CAPZA2: variants seen among roughly 807,000 people sequenced by gnomAD.
The protein encoded by CAPZA2 is F-actin-capping protein subunit alpha-2.
CAPZA2 carries 13 observed loss-of-function variants against 44.0 expected under a neutral mutation model. The observed-to-expected ratio is 0.30, with a 90% CI of 0.19 to 0.47. The LOEUF is 0.47. CAPZA2 is among the 20% of genes least tolerant of loss of function. CAPZA2 has a pLI of 1.00. For synonymous variants in CAPZA2, 94 were observed against 108.2 expected, an observed-to-expected ratio of 0.87 and a Z score of 0.81; for missense variants, 244 against 338.6, an observed-to-expected ratio of 0.72 and a Z score of 2.19.
At chr7:116,877,634 T>A (rs1422988073) in intron 1 of CAPZA2, among the ~76,000 whole-genome samples, 1 of 152,258 alleles carries the variant, frequency 6.6e-6, no homozygotes, top group Non-Finnish European at 1.5e-5. Context: ...GAATTTAGTT[T>A]GCTTAAGGTC....
At chr7:116,901,356 A>C (rs1258624191) in intron 4 of CAPZA2, among the ~76,000 whole-genome samples, 1 of 152,314 alleles carries the variant, frequency 6.6e-6, no homozygotes, top group East Asian at 1.9e-4. Context: ...TGTCCTTTGC[A>C]AGAACATGGA....
intron 2 of CAPZA2, among the ~76,000 whole-genome samples, chr7:116,890,223 A>G (rs536422635): frequency 4.1e-4 from 62 of 152,282 alleles, no homozygotes; most frequent in African/African-American, 1.4e-3. Context: ...CTCATTTAAA[A>G]TTGACATTGA....
intron 3 of CAPZA2, among the ~76,000 whole-genome samples, chr7:116,894,446 G>T (rs997723266): frequency 6.6e-6 from 1 of 151,876 alleles, no homozygotes; most frequent in Non-Finnish European, 1.5e-5. Context: ...ATAAAAAATG[G>T]CCTTTATGAA....
chr7:116,866,186 C>CTTT (rs545644928), intron 1 of CAPZA2, among the ~76,000 whole-genome samples: 1 of 141,194 alleles, frequency 7.1e-6, no homozygotes, highest in Non-Finnish European at 1.6e-5. Flanking sequence ...GTCCCATAGA[C>CTTT]TTTTTTTTTT....
chr7:116,868,221 T>G (rs773890594), intron 1 of CAPZA2, among the ~76,000 whole-genome samples: 16 of 152,198 alleles, frequency 1.1e-4, no homozygotes, highest in Admixed American at 2.0e-4. Context: ...TTTTGCGTAA[T>G]AGTTATTTGC....
At chr7:116,899,378 T>A (rs1796966539) in intron 4 of CAPZA2, among the ~76,000 whole-genome samples, 1 of 151,926 alleles carries the variant, frequency 6.6e-6, no homozygotes. Context: ...TGTAAAACAC[T>A]ATGAAGAAGA....
intron 4 of CAPZA2, among the ~76,000 whole-genome samples, chr7:116,901,881 A>ATTG (rs375500363): frequency 3.6e-5 from 5 of 140,820 alleles, no homozygotes; most frequent in East Asian, 2.0e-4. Flanking sequence ...TAACGAAGAA[A>ATTG]TGTGTGTGTG....
At chr7:116,899,669 TTTTGC>T (rs1204142895) in intron 4 of CAPZA2, among the ~76,000 whole-genome samples, 2 of 150,726 alleles carry the variant, frequency 1.3e-5, no homozygotes, top group African/African-American at 4.9e-5. Flanking sequence ...GGTTTTTTTT[TTTTGC>T]TTTTTCTTTA....
At chr7:116,876,955 A>C (rs1796630317) in intron 1 of CAPZA2, among the ~76,000 whole-genome samples, 1 of 152,164 alleles carries the variant, frequency 6.6e-6, no homozygotes, top group African/African-American at 2.4e-5. Flanking sequence ...TCAGGACGTG[A>C]TCCATTCATT....
intron 3 of CAPZA2, among the ~76,000 whole-genome samples, chr7:116,896,180 GC>G: frequency 6.7e-6 from 1 of 149,050 alleles, no homozygotes; most frequent in South Asian, 2.1e-4. Flanking sequence ...TTTTTTCTTT[GC>G]CCTTTACCGT....
chr7:116,909,027 A>G (rs771286410), intron 6 of CAPZA2, among the ~76,000 whole-genome samples: 4 of 152,200 alleles, frequency 2.6e-5, no homozygotes, highest in Non-Finnish European at 5.9e-5. Context: ...CATACTTACC[A>G]GTTTAACATC....
intron 1 of CAPZA2, among the ~76,000 whole-genome samples, chr7:116,867,742 C>G (rs1446355682): frequency 6.6e-6 from 1 of 152,022 alleles, no homozygotes; most frequent in Non-Finnish European, 1.5e-5. Context: ...CACCTGCGTC[C>G]CTAGCTAATT....
At chr7:116,891,116 C>T (rs1266565523) in intron 2 of CAPZA2, among the ~76,000 whole-genome samples, 2 of 152,144 alleles carry the variant, frequency 1.3e-5, no homozygotes, top group Non-Finnish European at 2.9e-5. Flanking sequence ...TATGTGTTGC[C>T]TGACTTGGAG....
intron 4 of CAPZA2, among the ~76,000 whole-genome samples, chr7:116,903,211 AAAG>A (rs1797017810): frequency 6.6e-6 from 1 of 151,102 alleles, no homozygotes. Context: ...GTTTATATTG[AAAG>A]AAGCCAGATG....
At chr7:116,890,208 T>A (rs1168870953) in intron 2 of CAPZA2, among the ~76,000 whole-genome samples, 3 of 152,188 alleles carry the variant, frequency 2.0e-5, no homozygotes, top group Non-Finnish European at 4.4e-5. Flanking sequence ...ATTGCTTTCC[T>A]AAGTCTCATT....
intron 1 of CAPZA2, 21 bp from the exon 2 acceptor site, chr7:116,888,106 A>T: frequency 4.4e-6 from 7 of 1,575,720 alleles, no homozygotes; most frequent in Non-Finnish European, 6.1e-6. Flanking sequence ...TGGAACATTT[A>T]TATCTTTCTT....
In CAPZA2 at chr7:116,917,714, T is replaced by C. The variant is rs924360977; in HGVS notation, c.721-13T>C. ...TTGCTTTACTTTAAACTTCTAACTATTGTTTTTCATAGACTGCCATCAGTG... is the reference window on the plus strand; with the variant it reads ...TTGCTTTACTTTAAACTTCTAACTACTGTTTTTCATAGACTGCCATCAGTG... On this transcript the variant is annotated splice_polypyrimidine_tract_variant and intron_variant, in intron 9 of 9. Coordinates refer to ENST00000361183, the MANE Select transcript of CAPZA2 (RefSeq NM_006136.3). 1.3e-6 allele frequency: 2 copies of C among 1,582,392 alleles called. No homozygotes were observed. The highest frequency in any genetic ancestry group is 1.7e-6 in the Non-Finnish European group (2 of 1,151,024).
intron 2 of CAPZA2, 60 bp from the exon 3 acceptor site, chr7:116,892,934 G>T (rs1469895549): frequency 3.2e-6 from 4 of 1,232,780 alleles, no homozygotes; most frequent in East Asian, 2.5e-5. Flanking sequence ...AACAATCTGC[G>T]TTCATTACAT....
At chr7:116,869,530 G>A (rs766831809) in intron 1 of CAPZA2, among the ~76,000 whole-genome samples, 3 of 152,116 alleles carry the variant, frequency 2.0e-5, no homozygotes, top group Non-Finnish European at 4.4e-5. Flanking sequence ...CTGAAATCAG[G>A]CTGCATTGTA....
Sources: allele counts gnomAD v4.1 joint callset (sites outside exome capture counted in the v4.1 genomes callset), GRCh38; gene constraint gnomAD v4.1.1; transcripts MANE v1.5; gene names NCBI Gene and HGNC (gene_info 2026-07-23, HGNC 2026-07-21).